Variants in NKAIN3 observed in about 807,000 individuals in gnomAD.
NKAIN3 encodes sodium/potassium-transporting ATPase subunit beta-1-interacting protein 3.
NKAIN3 carries 25 observed loss-of-function variants against 30.2 expected under a neutral mutation model. That is an observed-to-expected ratio of 0.83 (90% CI 0.60 to 1.16). The LOEUF (loss-of-function observed/expected upper bound fraction) is 1.16. Ranked by LOEUF, NKAIN3 falls within the 50% of genes most tolerant of loss-of-function variation. The probability of loss-of-function intolerance (pLI) is 0.00; values close to 1 mark genes in which losing one functional copy is unlikely to be tolerated. For missense variants in NKAIN3, 225 were observed against 254.1 expected, an observed-to-expected ratio of 0.89 and a Z score of 0.78; for synonymous variants, 91 against 89.6, an observed-to-expected ratio of 1.02 and a Z score of -0.09.
At chr8:62,506,078 C>A (rs1235359700) in intron 1 of NKAIN3, among the ~76,000 whole-genome samples, 1 of 152,102 alleles carries the variant, frequency 6.6e-6, no homozygotes, top group Non-Finnish European at 1.5e-5. Context: ...GAAAAAGATT[C>A]TCTGCTTTAA....
At chr8:62,782,095 T>TA (rs1178782619) in intron 4 of NKAIN3, among the ~76,000 whole-genome samples, 1 of 151,156 alleles carries the variant, frequency 6.6e-6, no homozygotes, top group Non-Finnish European at 1.5e-5. Flanking sequence ...AAATTCTCAT[T>TA]AAAAAATGGA....
At chr8:62,948,535 T>C (rs775570895) in intron 5 of NKAIN3, among the ~76,000 whole-genome samples, 4 of 152,270 alleles carry the variant, frequency 2.6e-5, no homozygotes, top group African/African-American at 7.2e-5. Context: ...GAAGAAAATA[T>C]AGCAAAAAAT....
intron 3 of NKAIN3, among the ~76,000 whole-genome samples, chr8:62,640,463 C>A (rs1812275379): frequency 6.6e-6 from 1 of 152,068 alleles, no homozygotes; most frequent in Non-Finnish European, 1.5e-5. Flanking sequence ...GTCAATTAAA[C>A]CTCTTTTCTT....
chr8:62,458,447 A>T (rs1403263416), intron 1 of NKAIN3, among the ~76,000 whole-genome samples: 1 of 152,182 alleles, frequency 6.6e-6, no homozygotes, highest in Non-Finnish European at 1.5e-5. Context: ...TTGGGTTTGG[A>T]GGTGATAGAT....
intron 1 of NKAIN3, among the ~76,000 whole-genome samples, chr8:62,529,064 C>T (rs1035939573): frequency 1.3e-5 from 2 of 152,070 alleles, no homozygotes; most frequent in Non-Finnish European, 1.5e-5. Flanking sequence ...CAATCTTTTT[C>T]TTCTTTATCA....
intron 4 of NKAIN3, among the ~76,000 whole-genome samples, chr8:62,873,526 A>G (rs563150055): frequency 2.0e-5 from 3 of 149,674 alleles, no homozygotes; most frequent in African/African-American, 7.4e-5. Flanking sequence ...CCAAAACAAC[A>G]GAATATACAT....
intron 3 of NKAIN3, among the ~76,000 whole-genome samples, chr8:62,670,873 A>G (rs1813277431): frequency 8.2e-6 from 1 of 122,582 alleles, no homozygotes; most frequent in Non-Finnish European, 1.7e-5. Context: ...TTATGTACAC[A>G]TACAAGCACA....
intron 3 of NKAIN3, among the ~76,000 whole-genome samples, chr8:62,676,809 G>T (rs1483807832): frequency 6.6e-6 from 1 of 151,546 alleles, no homozygotes; most frequent in African/African-American, 2.4e-5. Flanking sequence ...CGATTTCCAG[G>T]CTCCAGTGAT....
intron 3 of NKAIN3, among the ~76,000 whole-genome samples, chr8:62,620,232 A>T (rs116490204): frequency 0.011 from 1,737 of 152,168 alleles, 36 homozygotes; most frequent in African/African-American, 0.041. Flanking sequence ...GTGTCTTCAG[A>T]TGTAAGGATG....
intron 1 of NKAIN3, among the ~76,000 whole-genome samples, chr8:62,398,387 A>G (rs1366390692): frequency 6.6e-6 from 1 of 151,838 alleles, no homozygotes; most frequent in Admixed American, 6.6e-5. Context: ...AAACTTTTGT[A>G]AAAATAAATA....
intron 5 of NKAIN3, among the ~76,000 whole-genome samples, chr8:62,930,204 A>C (rs915980564): frequency 6.6e-6 from 1 of 151,652 alleles, no homozygotes; most frequent in Non-Finnish European, 1.5e-5. Context: ...TTCAACAACA[A>C]CTTTTCAACT....
chr8:62,761,929 G>A (rs1242782547), intron 4 of NKAIN3, among the ~76,000 whole-genome samples: 1 of 152,090 alleles, frequency 6.6e-6, no homozygotes, highest in Admixed American at 6.5e-5. Flanking sequence ...ACTTCCTCTA[G>A]ATATCTACTC....
chr8:62,902,064 A>T (rs1039362104), intron 4 of NKAIN3, among the ~76,000 whole-genome samples: 2 of 152,278 alleles, frequency 1.3e-5, no homozygotes, highest in Admixed American at 6.5e-5. Context: ...GGATCAGAGC[A>T]CAGCTGCTCT....
chr8:62,790,395 C>G (rs1383881589), intron 4 of NKAIN3, among the ~76,000 whole-genome samples: 1 of 152,096 alleles, frequency 6.6e-6, no homozygotes, highest in Admixed American at 6.6e-5. Context: ...CCTTTGAAAA[C>G]TGGCACAAGA....
At chr8:62,286,617 G>A (rs533128240) in intron 1 of NKAIN3, among the ~76,000 whole-genome samples, 2 of 152,106 alleles carry the variant, frequency 1.3e-5, no homozygotes, top group Non-Finnish European at 2.9e-5. Context: ...GAACCAATCA[G>A]TTTGTGATTC....
intron 1 of NKAIN3, among the ~76,000 whole-genome samples, chr8:62,330,259 A>G (rs60991812): frequency 0.079 from 12,061 of 151,848 alleles, 1,581 homozygotes; most frequent in African/African-American, 0.27. Flanking sequence ...GAGGAAGAAA[A>G]GTATATATCA....
At chr8:62,838,551 T>C (rs922712583) in intron 4 of NKAIN3, among the ~76,000 whole-genome samples, 29 of 152,006 alleles carry the variant, frequency 1.9e-4, no homozygotes, top group African/African-American at 7.0e-4. Flanking sequence ...TCTGCTCCCA[T>C]GTATGTCTAC....
intron 1 of NKAIN3, among the ~76,000 whole-genome samples, chr8:62,499,044 C>T (rs1807332084): frequency 6.6e-6 from 1 of 152,100 alleles, no homozygotes; most frequent in Admixed American, 6.6e-5. Context: ...TTTATCAATT[C>T]AGATTCTTTG....
At chr8:62,659,479 A>G (rs911720674) in intron 3 of NKAIN3, among the ~76,000 whole-genome samples, 8 of 152,248 alleles carry the variant, frequency 5.3e-5, no homozygotes, top group African/African-American at 1.9e-4. Flanking sequence ...AAGGAGCTTA[A>G]TGTGACTGAC....
Sources: gnomAD v4.1 joint callset for allele counts (sites outside exome capture counted in the v4.1 genomes callset) on GRCh38, gnomAD v4.1.1 for gene constraint, MANE v1.5 for transcripts, NCBI Gene and HGNC (gene_info 2026-07-23, HGNC 2026-07-21) for gene names.